The following CNGA1 variants were observed in gnomAD, a reference collection of about 807,000 sequenced individuals.
CNGA1 encodes cyclic nucleotide gated channel subunit alpha 1.
In CNGA1, 53 loss-of-function variants were observed where a neutral mutation model predicts 69.7. The observed-to-expected ratio is 0.76, with a 90% CI of 0.61 to 0.96. The LOEUF is 0.96. Ranked by LOEUF, CNGA1 falls within the 40% of genes least tolerant of loss-of-function variation. The pLI, the probability that CNGA1 is intolerant of heterozygous loss-of-function variation, is 0.00. For synonymous variants in CNGA1, 249 were observed against 283.5 expected, an observed-to-expected ratio of 0.88 and a Z score of 1.22; for missense variants, 739 against 811.2, an observed-to-expected ratio of 0.91 and a Z score of 1.08.
intron 2 of CNGA1, 117 bp downstream of exon 2, chr4:48,010,677 G>C (rs1339214346): frequency 1.3e-5 from 2 of 153,510 alleles, no homozygotes; most frequent in Non-Finnish European, 2.9e-5. Flanking sequence ...CCAGTGACTA[G>C]TGTTCAGCTC....
intron 2 of CNGA1, among the ~76,000 whole-genome samples, chr4:47,990,166 G>A (rs2581496): frequency 0.18 from 26,620 of 152,028 alleles, 2,493 homozygotes; most frequent in Middle Eastern, 0.24. Flanking sequence ...GAATAACAGT[G>A]ATTTTCAGGG....
intron 3 of CNGA1, among the ~76,000 whole-genome samples, chr4:47,971,652 G>C (rs1262394999): frequency 6.6e-6 from 1 of 152,130 alleles, no homozygotes; most frequent in East Asian, 1.9e-4. Flanking sequence ...AGCAAACTTT[G>C]GGAGGCCAAG....
intron 2 of CNGA1, among the ~76,000 whole-genome samples, chr4:47,983,576 C>T (rs756051188): frequency 6.6e-6 from 1 of 151,364 alleles, no homozygotes; most frequent in African/African-American, 2.4e-5. Context: ...GGCGACAGAG[C>T]GAGACTTTGT....
At chr4:48,014,814 C>A (rs1715306130) in intron 1 of CNGA1, among the ~76,000 whole-genome samples, 1 of 152,196 alleles carries the variant, frequency 6.6e-6, no homozygotes, top group African/African-American at 2.4e-5. Flanking sequence ...CGTTTACCAT[C>A]ATTACTAATT....
At position 47,949,228 on chromosome 4, in the gene CNGA1, C is replaced by T. The variant is rs542075122; in HGVS notation, c.287+605G>A. Among the ~76,000 whole-genome samples the T allele has an allele frequency of 3.9e-5, 6 of 152,316 alleles. No homozygotes were observed. The South Asian group carries it at 1.2e-3, about 32-fold the overall frequency. ...GGCTGGCCTTGGCTGAAGGAAACCA[C>T]CATGCTCCATCCAGATGGTTATGCT... On this transcript the variant is annotated intron_variant, in intron 6 of 10. Coordinates refer to ENST00000514170, the MANE Select transcript of CNGA1 (RefSeq NM_001379270.1).
intron 3 of CNGA1, among the ~76,000 whole-genome samples, chr4:47,954,270 G>A (rs114905717): frequency 3.2e-3 from 484 of 152,266 alleles, no homozygotes; most frequent in Non-Finnish European, 5.3e-3. Context: ...CACCTCCACT[G>A]TTCAACAAAG....
At chr4:47,998,872 C>A (rs1434021978) in intron 2 of CNGA1, among the ~76,000 whole-genome samples, 1 of 152,180 alleles carries the variant, frequency 6.6e-6, no homozygotes, top group East Asian at 1.9e-4. Context: ...GGATACAGTA[C>A]CCCCTTATTT....
chr4:47,969,943 A>G (rs1200812130), intron 3 of CNGA1, among the ~76,000 whole-genome samples: 1 of 152,210 alleles, frequency 6.6e-6, no homozygotes, highest in Non-Finnish European at 1.5e-5. Flanking sequence ...TGCCTTCAAG[A>G]AATTAATACT....
intron 1 of CNGA1, among the ~76,000 whole-genome samples, chr4:48,012,686 G>T (rs1232234094): frequency 8.1e-6 from 1 of 124,094 alleles, no homozygotes; most frequent in Non-Finnish European, 1.9e-5. Flanking sequence ...CCCTGATCAA[G>T]TTGGATAGAG....
chr4:47,992,139 T>G (rs1423173178), intron 2 of CNGA1, among the ~76,000 whole-genome samples: 1 of 152,212 alleles, frequency 6.6e-6, no homozygotes, highest in Non-Finnish European at 1.5e-5. Flanking sequence ...AGTCTTGCTT[T>G]GGCTATAAGG....
chr4:48,004,933 C>T (rs1301399260), intron 2 of CNGA1, among the ~76,000 whole-genome samples: 1 of 151,666 alleles, frequency 6.6e-6, no homozygotes, highest in Non-Finnish European at 1.5e-5. Context: ...AGGCTTGTAG[C>T]CAAGAAAAAT....
intron 10 of CNGA1, among the ~76,000 whole-genome samples, chr4:47,938,796 G>A (rs938539001): frequency 4.6e-5 from 7 of 151,924 alleles, no homozygotes; most frequent in Non-Finnish European, 1.0e-4. Flanking sequence ...TTTTGTTCTG[G>A]CCAGGTGTAG....
intron 10 of CNGA1, among the ~76,000 whole-genome samples, chr4:47,939,792 G>GT (rs1361577490): frequency 6.6e-6 from 1 of 152,012 alleles, no homozygotes; most frequent in East Asian, 1.9e-4. Flanking sequence ...ATGGGTTGTT[G>GT]TTTTTTTTCC....
At chr4:47,980,033 G>T (rs1741616018) in intron 3 of CNGA1, among the ~76,000 whole-genome samples, 1 of 152,128 alleles carries the variant, frequency 6.6e-6, no homozygotes, top group Non-Finnish European at 1.5e-5. Context: ...GTTTGTAAAT[G>T]ATTCCAGAAT....
chr4:48,016,295 C>A (rs948592189), intron 1 of CNGA1, among the ~76,000 whole-genome samples, 188 bp downstream of exon 1: 12 of 152,132 alleles, frequency 7.9e-5, no homozygotes, highest in African/African-American at 2.4e-4. Context: ...TCAGCAGCCC[C>A]CAAAATAAAC....
chr4:48,012,558 C>CTTTTTTTTTTTT (rs528643370), intron 1 of CNGA1, among the ~76,000 whole-genome samples: 1 of 64,954 alleles, frequency 1.5e-5, no homozygotes, highest in Non-Finnish European at 2.7e-5. Context: ...ACCACACCAT[C>CTTTTTTTTTTTT]TTTTTTTTTT....
chr4:47,965,135 A>G (rs1740650959), intron 3 of CNGA1, among the ~76,000 whole-genome samples: 1 of 152,154 alleles, frequency 6.6e-6, no homozygotes, highest in Non-Finnish European at 1.5e-5. Context: ...TTCTGTTATA[A>G]CTATCTTAAC....
chr4:47,965,717 A>G (rs1740691273), intron 3 of CNGA1, among the ~76,000 whole-genome samples: 1 of 152,122 alleles, frequency 6.6e-6, no homozygotes, highest in Non-Finnish European at 1.5e-5. Context: ...GTGAGCCACC[A>G]TGCCTGGCCC....
rs569739276 is a variant in CNGA1 at position 47,967,359 on chromosome 4, A to G, written c.-15+14034T>C. 4.1e-4 allele frequency among the ~76,000 whole-genome samples: 62 copies of G among 152,238 alleles called. No homozygotes were observed. In the South Asian group the frequency reaches 0.012, roughly 28 times the overall value. ...AACTACAGTTGACATTATACTTAAT[A>G]ATGAAAGACTGAACATTTTCCTCCT... On this transcript the variant is annotated intron_variant, in intron 3 of 10. Coordinates refer to ENST00000514170, the MANE Select transcript of CNGA1 (RefSeq NM_001379270.1).
Sources: gnomAD v4.1 joint callset for allele counts (sites outside exome capture counted in the v4.1 genomes callset) on GRCh38, gnomAD v4.1.1 for gene constraint, MANE v1.5 for transcripts, NCBI Gene and HGNC (gene_info 2026-07-23, HGNC 2026-07-21) for gene names.